The following DIP2A variants were observed in gnomAD, a reference collection of about 807,000 sequenced individuals.
DIP2A encodes the protein DIP2 acetate--CoA ligase A, also known as disco-interacting protein 2 homolog A.
A neutral mutation model predicts 177.4 loss-of-function variants in DIP2A; 85 were observed. The ratio of observed to expected loss-of-function variants is 0.48; its 90% CI spans 0.40 to 0.57. The LOEUF (loss-of-function observed/expected upper bound fraction) is 0.57, where lower values mean the gene tolerates loss of function less well. Ranked by LOEUF, DIP2A falls within the 20% of genes least tolerant of loss-of-function variation. The pLI is 0.00. For missense variants in DIP2A, 1,791 were observed against 2,100.2 expected, an observed-to-expected ratio of 0.85 and a Z score of 2.88; for synonymous variants, 886 against 881.8, an observed-to-expected ratio of 1.00 and a Z score of -0.08.
At position 46,463,680 on chromosome 21, in the gene DIP2A, T is replaced by TTGTGTGTGTGTGTGTGTG. The variant is rs5844275; in HGVS notation, c.91+4480_91+4497dup. On this transcript the variant is annotated intron_variant, in intron 1 of 37. Transcript: ENST00000417564. ...TTAATTTCTAAAATCTGGGATATAT[T>TTGTGTGTGTGTGTGTGTG]TGTGTGTGTGTGTGTGTGTGTGTGT... Among the ~76,000 whole-genome samples the TTGTGTGTGTGTGTGTGTG allele has an allele frequency of 9.6e-3, 1,252 of 130,984 alleles. 15 individuals are homozygous for TTGTGTGTGTGTGTGTGTG. Among genetic ancestry groups the TTGTGTGTGTGTGTGTGTG allele is most frequent in the Non-Finnish European group, 0.014 (870 of 62,160 alleles). The allele number at this position is 130,984 out of a possible 152,430, so 85.9% of individuals were successfully genotyped here.
At chr21:46,583,686 G>C in the DIP2A span, among the ~76,000 whole-genome samples, 1 of 152,290 alleles carries the variant, frequency 6.6e-6, no homozygotes, top group East Asian at 1.9e-4. Flanking sequence ...TCACAGAAAT[G>C]TGTTCATTAT....
intron 15 of DIP2A, among the ~76,000 whole-genome samples, chr21:46,538,189 G>A (rs560021702): frequency 1.3e-5 from 2 of 152,218 alleles, no homozygotes; most frequent in Admixed American, 6.5e-5. Flanking sequence ...GAGATGAAGC[G>A]GGCAGATAGG....
At chr21:46,547,257 G>T in intron 21 of DIP2A, 1 of 1,299,194 alleles carries the variant, frequency 7.7e-7, no homozygotes, top group Non-Finnish European at 9.8e-7. Flanking sequence ...GATTCCTTAA[G>T]AAAATAAGGT....
chr21:46,567,240 T>A (rs1214803347), intron 37 of DIP2A, 130 bp from the exon 38 acceptor site: 18 of 1,341,594 alleles, frequency 1.3e-5, no homozygotes, highest in Middle Eastern at 2.2e-4. Flanking sequence ...CTTTAGATTG[T>A]AAATGGCCTT....
At chr21:46,521,086 C>T (rs546763062) in intron 8 of DIP2A, among the ~76,000 whole-genome samples, 53 of 152,318 alleles carry the variant, frequency 3.5e-4, no homozygotes, top group East Asian at 3.9e-4. Flanking sequence ...AAATCCTTTA[C>T]TCATTAATAG....
At chr21:46,538,145 C>T (rs1185492380) in intron 15 of DIP2A, among the ~76,000 whole-genome samples, 2 of 152,138 alleles carry the variant, frequency 1.3e-5, no homozygotes, top group African/African-American at 4.8e-5. Context: ...TCACACTTCT[C>T]AGCCAGCACC....
chr21:46,464,937 G>A (rs890259747), intron 1 of DIP2A, among the ~76,000 whole-genome samples: 1 of 145,110 alleles, frequency 6.9e-6, no homozygotes. Flanking sequence ...TAGTTAAATG[G>A]TACTTAATGA....
chr21:46,546,582 C>T (rs1173009637), intron 20 of DIP2A, among the ~76,000 whole-genome samples: 1 of 152,212 alleles, frequency 6.6e-6, no homozygotes, highest in Non-Finnish European at 1.5e-5. Context: ...ACAAACTCCA[C>T]CCACAACTCG....
At chr21:46,517,368 A>C (rs1276715491) in intron 8 of DIP2A, among the ~76,000 whole-genome samples, 2 of 152,142 alleles carry the variant, frequency 1.3e-5, no homozygotes, top group Non-Finnish European at 2.9e-5. Context: ...GTGAGCCACC[A>C]TGCCTGGCCT....
In DIP2A at chr21:46,541,784, A is replaced by G; in HGVS notation, c.2065A>G (p.Arg689Gly). Residue 689 changes from arginine to glycine, a missense_variant, in exon 18 of 38, where the codon AGA becomes GGA. Physicochemically the swap from Arg to Gly is moderately radical, Grantham distance 125. Transcript: ENST00000417564. The part of the protein sequence containing the change: ...RPPDLGGPPP[R>G]KAVLSMNGLS... ...ACCTGATCTGGGAGGACCACCTCCA[A>G]GAAAAGCAGTCCTGTCGATGAACGG... The G allele has an allele frequency of 6.2e-7, 1 of 1,614,010 alleles. No individual in the cohort carries two copies. The highest frequency in any genetic ancestry group is 1.1e-5 in the South Asian group (1 of 91,088).
intron 1 of DIP2A, among the ~76,000 whole-genome samples, chr21:46,476,652 A>ATTT (rs111428142): frequency 2.3e-5 from 3 of 129,910 alleles, no homozygotes; most frequent in Admixed American, 1.6e-4. Flanking sequence ...GCATCACTCT[A>ATTT]TTTTTTTTTT....
At position 46,545,234 on chromosome 21, in the gene DIP2A, G is replaced by A. The variant is rs539382417; in HGVS notation, c.2274G>A (p.Ala758=). 1.9e-4 allele frequency: 309 copies of A among 1,606,220 alleles called. 4 individuals carry two copies. In the South Asian group the frequency reaches 2.7e-3, roughly 14 times the overall value. The part of the protein sequence containing the change: ...ICVSSSATGT[A]YYGLLGITKN... ...TCAGTTCCAGTGCAACTGGCACAGCGTACTATGGATTGCTTGGAATCACGA... is the reference window on the plus strand; with the variant it reads ...TCAGTTCCAGTGCAACTGGCACAGCATACTATGGATTGCTTGGAATCACGA... The change falls in exon 19 of 38, where the codon GCG becomes GCA. Residue 758 remains alanine, a synonymous_variant. Coordinates refer to ENST00000417564, the MANE Select transcript of DIP2A (RefSeq NM_015151.4).
chr21:46,529,049 T>C, intron 8 of DIP2A, 43 bp from the exon 9 acceptor site: 1 of 1,262,630 alleles, frequency 7.9e-7, no homozygotes, highest in Non-Finnish European at 1.1e-6. Flanking sequence ...TAATTACTTG[T>C]TTCTTAAATT....
intron 1 of DIP2A, among the ~76,000 whole-genome samples, chr21:46,478,549 C>T (rs1266485230): frequency 6.6e-6 from 1 of 152,172 alleles, no homozygotes; most frequent in African/African-American, 2.4e-5. Flanking sequence ...TCTTGTGATC[C>T]ACTTGGAGAG....
rs114178151 is a variant in DIP2A, at chr21:46,486,732, A to T, written c.163+1904A>T. Among the ~76,000 whole-genome samples the T allele has an allele frequency of 1.1e-3, 173 of 152,370 alleles. 3 individuals carry two copies. The East Asian group carries it at 0.028, about 25-fold the overall frequency. On this transcript the variant is annotated intron_variant, in intron 2 of 37. Transcript: ENST00000417564. ...GTAGGATGCAGGCAGCTAGTATTAC[A>T]TAGTAAAGTTGAAGAGGTGCAGCAG...
chr21:46,545,374 A>T lies in DIP2A; in HGVS notation c.2313+101A>T, dbSNP rs143101170. On this transcript the variant is annotated intron_variant, in intron 19 of 37. Transcript: ENST00000417564. ...CTGGGGGATTGCAGAGGCTGCGGGG[A>T]TGGTCTCCTTCCACACAGGCGCTGC... The T allele has an allele frequency of 3.6e-4, 497 of 1,396,648 alleles. 2 individuals carry two copies. In the African/African-American group the frequency reaches 6.3e-3, roughly 18 times the overall value. 86.5% of individuals were successfully genotyped at this position (1,396,648 alleles called of 1,614,324 possible).
Position 46,537,378 on chromosome 21 carries a change from C to T in DIP2A, c.1708-68C>T, listed in dbSNP as rs117732863. 2.5e-6 allele frequency: 4 copies of T among 1,608,678 alleles called. No individual in the cohort carries two copies. Among genetic ancestry groups the T allele is most frequent in the Non-Finnish European group, 2.6e-6 (3 of 1,175,120 alleles). The stretch of plus-strand genomic sequence containing the variant: ...CTGAAATGTTGTTGGGAGAGTACAT[C>T]GGTTTTGTTTTGCTTTTTCTGGTGT... On this transcript the variant is annotated intron_variant, in intron 14 of 37. Transcript: ENST00000417564. The surrounding 1 kb of genome is among the most constrained non-coding windows in gnomAD (Gnocchi z 4.1).
At chr21:46,561,664 C>G (rs2060668304) in intron 33 of DIP2A, 84 bp from the exon 34 acceptor site, 1 of 1,529,010 alleles carries the variant, frequency 6.5e-7, no homozygotes, top group Non-Finnish European at 9.1e-7. Context: ...TCAGAGTGAT[C>G]ATTTCCAACG....
At chr21:46,580,451 G>T in the DIP2A span, among the ~76,000 whole-genome samples, 2 of 152,184 alleles carry the variant, frequency 1.3e-5, no homozygotes, top group Admixed American at 1.3e-4. Flanking sequence ...TACATTTAAA[G>T]TTAGTATGGT....
Sources: gnomAD v4.1 joint callset for allele counts (sites outside exome capture counted in the v4.1 genomes callset) on GRCh38, gnomAD v4.1.1 for gene constraint, Gnocchi (gnomAD v3.1) non-coding constraint, MANE v1.5 for transcripts, NCBI Gene and HGNC (gene_info 2026-07-23, HGNC 2026-07-21) for gene names.